The following OSBPL1A variants were observed in gnomAD, a reference collection of about 807,000 sequenced individuals.
The protein encoded by OSBPL1A is oxysterol-binding protein-related protein 1.
OSBPL1A carries 80 observed loss-of-function variants against 137.1 expected under a neutral mutation model. The observed-to-expected ratio is 0.58, with a 90% confidence interval of 0.49 to 0.70. The LOEUF is 0.70. OSBPL1A is among the 30% of genes least tolerant of loss of function. The pLI, the probability that OSBPL1A is intolerant of heterozygous loss-of-function variation, is 0.00. For missense variants in OSBPL1A, 970 were observed against 1,129.4 expected, an observed-to-expected ratio of 0.86 and a Z score of 2.02; for synonymous variants, 365 against 389.7, an observed-to-expected ratio of 0.94 and a Z score of 0.75.
chr18:24,278,388 A>C (rs963629211), intron 15 of OSBPL1A, among the ~76,000 whole-genome samples: 1 of 152,210 alleles, frequency 6.6e-6, no homozygotes, highest in African/African-American at 2.4e-5. Context: ...ATTAGTTAAG[A>C]TCTTACAATA....
intron 18 of OSBPL1A, among the ~76,000 whole-genome samples, chr18:24,191,619 C>A (rs2086894439): frequency 6.6e-6 from 1 of 152,086 alleles, no homozygotes; most frequent in African/African-American, 2.4e-5. Flanking sequence ...TGCAAAGAAA[C>A]CTTTAGTACT....
At chr18:24,361,115 A>C (rs1487251985) in intron 4 of OSBPL1A, among the ~76,000 whole-genome samples, 1 of 152,182 alleles carries the variant, frequency 6.6e-6, no homozygotes, top group East Asian at 1.9e-4. Flanking sequence ...CTGCAGCCTC[A>C]ACTTCCTGGG....
At chr18:24,334,426 T>C in intron 5 of OSBPL1A, 96 bp from the exon 6 acceptor site, 1 of 772,750 alleles carries the variant, frequency 1.3e-6, no homozygotes, top group Non-Finnish European at 2.0e-6. Context: ...AAAACCAAAA[T>C]GTTTTGGATT....
chr18:24,298,110 G>A (rs555346613), intron 14 of OSBPL1A, among the ~76,000 whole-genome samples: 4 of 152,228 alleles, frequency 2.6e-5, no homozygotes, highest in African/African-American at 9.6e-5. Flanking sequence ...AGTGACCTCT[G>A]GTCATCCTCA....
At chr18:24,354,586 T>A (rs1260594875) in intron 4 of OSBPL1A, among the ~76,000 whole-genome samples, 1 of 151,464 alleles carries the variant, frequency 6.6e-6, no homozygotes, top group African/African-American at 2.4e-5. Context: ...TCAGTAGATA[T>A]CAGAGTACCA....
chr18:24,376,385 C>T lies in OSBPL1A; in HGVS notation c.121+1028G>A, dbSNP rs1044624723. Among the ~76,000 whole-genome samples the T allele has an allele frequency of 5.3e-5, 8 of 152,318 alleles. No individual in the cohort carries two copies. In the East Asian group the frequency reaches 7.7e-4, roughly 15 times the overall value. On this transcript the variant is annotated intron_variant, in intron 2 of 27. Transcript: ENST00000319481. ...GTGCATTCACAAACCCTGAACTAGA[C>T]GCAGGGTGCTGATTGGTGTGTTTAT...
At position 24,303,662 on chromosome 18, in the gene OSBPL1A, C is replaced by A. The variant is rs2090445227; in HGVS notation, c.1149G>T (p.Met383Ile). Residue 383 changes from methionine (M) to isoleucine (I), a missense_variant, in exon 14 of 28, where the codon ATG becomes ATT. Met to Ile is a conservative substitution (Grantham distance 10, BLOSUM62 1). This residue lies in a region of OSBPL1A where 647 missense variants were observed against 672.6 expected (regional missense o/e 0.96). Coordinates refer to ENST00000319481, the MANE Select transcript of OSBPL1A (RefSeq NM_080597.4). The stretch of plus-strand genomic sequence containing the variant: ...CTTTAGCCATGTCACACTCCTTAAT[C>A]ATTTTGAGAAAGTTGGAAATTTCCC... The part of the protein sequence containing the change: ...LDREISNFLK[M>I]IKECDMAKEM... 1.9e-5 allele frequency: 30 copies of A among 1,613,510 alleles called. No individual in the cohort carries two copies. The highest frequency in any genetic ancestry group is 2.4e-5 in the Non-Finnish European group (28 of 1,179,670).
chr18:24,329,312 G>A (rs1382431996), intron 7 of OSBPL1A, among the ~76,000 whole-genome samples: 1 of 152,092 alleles, frequency 6.6e-6, no homozygotes, highest in Non-Finnish European at 1.5e-5. Flanking sequence ...CACTTTGGGA[G>A]GCTGAGGCGG....
At chr18:24,329,964 C>G (rs2091046755) in intron 7 of OSBPL1A, among the ~76,000 whole-genome samples, 1 of 152,034 alleles carries the variant, frequency 6.6e-6, no homozygotes, top group Admixed American at 6.6e-5. Context: ...GTTGTGATGG[C>G]AAAACTATTT....
rs769317271 is a variant in OSBPL1A, at chr18:24,332,916, A to G, written c.625+26T>C. On this transcript the variant is annotated intron_variant, in intron 7 of 27. Coordinates refer to ENST00000319481, the MANE Select transcript of OSBPL1A (RefSeq NM_080597.4). ...TCATTTTATAATTTCAAAATGGCCA[A>G]CGATGGTTTTCACCAATATGCTTAC... The G allele has an allele frequency of 5.6e-6, 9 of 1,606,138 alleles. No homozygotes were observed. In the Admixed American group the frequency reaches 1.0e-4, roughly 18 times the overall value.
intron 15 of OSBPL1A, among the ~76,000 whole-genome samples, chr18:24,256,955 A>G: frequency 7.2e-6 from 1 of 138,856 alleles, no homozygotes; most frequent in Non-Finnish European, 1.6e-5. Flanking sequence ...GAAAGAACTG[A>G]AGAGGATGCA....
rs147425378 is a variant in OSBPL1A, at chr18:24,274,765, T to C, written c.1281+6077A>G. Among the ~76,000 whole-genome samples, 621 of 151,858 alleles carry C rather than the reference T, an allele frequency of 4.1e-3. 1 individual carries two copies. The highest frequency in any genetic ancestry group is 6.9e-3 in the Non-Finnish European group (472 of 67,928). On this transcript the variant is annotated intron_variant, in intron 15 of 27. Transcript: ENST00000319481. ...TCTACTAAAATACAAAAAAATTAGC[T>C]GGGTGTGGTGGCGTGCACTTGTAAT... is the stretch of plus-strand genomic sequence containing the variant.
intron 14 of OSBPL1A, among the ~76,000 whole-genome samples, chr18:24,288,690 C>A (rs546859042): frequency 2.0e-5 from 3 of 151,358 alleles, no homozygotes; most frequent in Non-Finnish European, 4.4e-5. Flanking sequence ...ATCACTTAAA[C>A]CTGGAAGGCG....
chr18:24,273,152 C>T (rs1291245646), intron 15 of OSBPL1A, among the ~76,000 whole-genome samples: 1 of 152,222 alleles, frequency 6.6e-6, no homozygotes, highest in Admixed American at 6.5e-5. Flanking sequence ...AAGTGATCCA[C>T]CTGCCCTGGC....
At chr18:24,257,536 A>G (rs2089318628) in intron 15 of OSBPL1A, among the ~76,000 whole-genome samples, 1 of 152,192 alleles carries the variant, frequency 6.6e-6, no homozygotes. Flanking sequence ...CTACAAGGAA[A>G]CACTAGGGAA....
At chr18:24,173,240 C>T (rs1328412439) in intron 21 of OSBPL1A, among the ~76,000 whole-genome samples, 2 of 152,004 alleles carry the variant, frequency 1.3e-5, no homozygotes, top group Admixed American at 6.6e-5. Context: ...GACACTGGGG[C>T]CTACCTCAGG....
At chr18:24,393,137 A>C (rs1907481201) in intron 1 of OSBPL1A, among the ~76,000 whole-genome samples, 1 of 152,266 alleles carries the variant, frequency 6.6e-6, no homozygotes, top group East Asian at 1.9e-4. Flanking sequence ...AGTTGCTAGC[A>C]ATCAGTAATT....
At chr18:24,326,537 G>A (rs1056432442) in intron 7 of OSBPL1A, among the ~76,000 whole-genome samples, 1 of 152,210 alleles carries the variant, frequency 6.6e-6, no homozygotes, top group Non-Finnish European at 1.5e-5. Context: ...GAGTCACGGG[G>A]CAGCCATCTT....
chr18:24,172,139 C>T (rs895166096), intron 22 of OSBPL1A, among the ~76,000 whole-genome samples: 1 of 152,118 alleles, frequency 6.6e-6, no homozygotes, highest in Non-Finnish European at 1.5e-5. Flanking sequence ...CGGGGTTTCA[C>T]CATCTTGGCC....
Sources: gnomAD v4.1 joint callset for allele counts (sites outside exome capture counted in the v4.1 genomes callset) on GRCh38, gnomAD v4.1.1 for gene constraint, gnomAD v4.1.1 regional missense constraint, MANE v1.5 for transcripts, NCBI Gene and HGNC (gene_info 2026-07-23, HGNC 2026-07-21) for gene names.